The following ERBB4 variants were observed in gnomAD, a reference collection of about 807,000 sequenced individuals.
ERBB4 encodes receptor tyrosine-protein kinase erbB-4.
A neutral mutation model predicts 158.0 loss-of-function variants in ERBB4; 42 were observed. The observed-to-expected ratio is 0.27, with a 90% CI of 0.21 to 0.34. The LOEUF (loss-of-function observed/expected upper bound fraction) is 0.34, where lower values mean the gene tolerates loss of function less well. ERBB4 is among the 10% of genes least tolerant of loss of function. ERBB4 has a pLI of 1.00. For synonymous variants in ERBB4, 583 were observed against 558.7 expected (o/e 1.04, Z -0.61); for missense variants, 1,333 against 1,624.1 (o/e 0.82, Z 3.08).
intron 1 of ERBB4, among the ~76,000 whole-genome samples, chr2:212,301,856 A>C (rs1228622720): frequency 6.6e-6 from 1 of 151,360 alleles, no homozygotes; most frequent in Non-Finnish European, 1.5e-5. Flanking sequence ...AAATAACATC[A>C]CATCTTATTT....
chr2:211,960,922 A>C (rs892980589), intron 2 of ERBB4, among the ~76,000 whole-genome samples: 1 of 152,108 alleles, frequency 6.6e-6, no homozygotes, highest in African/African-American at 2.4e-5. Flanking sequence ...AGTATGAACC[A>C]ATTTTGATTC....
chr2:211,739,163 A>G (rs2074706688), intron 5 of ERBB4, among the ~76,000 whole-genome samples: 1 of 152,002 alleles, frequency 6.6e-6, no homozygotes. Context: ...TGTACTACCC[A>G]TCTTATGCCT....
chr2:212,382,095 A>C (rs115889548), intron 1 of ERBB4, among the ~76,000 whole-genome samples: 92 of 150,926 alleles, frequency 6.1e-4, no homozygotes, highest in African/African-American at 2.2e-3. Flanking sequence ...CTATAAATAT[A>C]TATTATTATA....
chr2:211,832,340 G>A (rs924046212), intron 3 of ERBB4, among the ~76,000 whole-genome samples: 6 of 151,898 alleles, frequency 4.0e-5, no homozygotes, highest in African/African-American at 9.7e-5. Flanking sequence ...AATAAGATAC[G>A]TTTAGAGCAT....
rs1357131530 is a variant in ERBB4, at chr2:212,290,963, T to C, written c.83-166060A>G. 2.0e-5 allele frequency among the ~76,000 whole-genome samples: 3 copies of C among 152,090 alleles called. No individual in the cohort carries two copies. The East Asian group carries it at 5.8e-4, about 29-fold the overall frequency. On this transcript the variant is annotated intron_variant, in intron 1 of 27. Transcript: ENST00000342788. ...TGTTTTAGTGTGTAAAAAATATTAA[T>C]TTAGTTAAAAGTTACACAAGACCCC...
chr2:212,178,786 A>T (rs2081760433), intron 1 of ERBB4, among the ~76,000 whole-genome samples: 1 of 151,612 alleles, frequency 6.6e-6, no homozygotes, highest in Admixed American at 6.6e-5. Flanking sequence ...TCGCTTTATG[A>T]TGGAAGACTC....
At chr2:212,474,100 C>T (rs561758225) in intron 1 of ERBB4, among the ~76,000 whole-genome samples, 1 of 152,044 alleles carries the variant, frequency 6.6e-6, no homozygotes, top group African/African-American at 2.4e-5. Context: ...TTGTAGATGA[C>T]ACTATTTCCA....
At chr2:212,343,802 T>G (rs1462191786) in intron 1 of ERBB4, among the ~76,000 whole-genome samples, 1 of 152,142 alleles carries the variant, frequency 6.6e-6, no homozygotes, top group Non-Finnish European at 1.5e-5. Flanking sequence ...TAAATTTAAT[T>G]TTATGTGTTA....
At chr2:212,317,308 T>G (rs191879020) in intron 1 of ERBB4, among the ~76,000 whole-genome samples, 7 of 151,640 alleles carry the variant, frequency 4.6e-5, no homozygotes, top group Admixed American at 4.0e-4. Context: ...GTTTAAAAAC[T>G]TTTACCCCAA....
intron 20 of ERBB4, among the ~76,000 whole-genome samples, chr2:211,475,090 TC>T (rs1319572205): frequency 1.3e-5 from 2 of 152,080 alleles, no homozygotes; most frequent in Non-Finnish European, 2.9e-5. Flanking sequence ...AAGGATGTTT[TC>T]CACAGGCTCT....
chr2:211,942,334 A>T (rs1011503027), intron 3 of ERBB4, among the ~76,000 whole-genome samples: 6 of 134,812 alleles, frequency 4.5e-5, no homozygotes, highest in Admixed American at 3.5e-4. Context: ...GAAGCATTTT[A>T]TTTATTTATT....
intron 1 of ERBB4, among the ~76,000 whole-genome samples, chr2:212,538,093 A>G (rs1235802763): frequency 6.6e-6 from 1 of 152,132 alleles, no homozygotes; most frequent in Non-Finnish European, 1.5e-5. Context: ...CGGGGACCCG[A>G]CAGGGACAGA....
intron 20 of ERBB4, among the ~76,000 whole-genome samples, chr2:211,522,002 A>G (rs1238906318): frequency 6.6e-6 from 1 of 152,136 alleles, no homozygotes; most frequent in Non-Finnish European, 1.5e-5. Context: ...CAAGAAGAAC[A>G]TTGTTTTTAT....
At chr2:212,057,137 C>T (rs12474510) in intron 2 of ERBB4, among the ~76,000 whole-genome samples, 95,609 of 152,006 alleles carry the variant, frequency 0.63, 33,722 homozygotes, top group East Asian at 0.92. Flanking sequence ...ATCCTAGTCT[C>T]TGATAAAACA....
chr2:211,876,670 G>A (rs1012150228), intron 3 of ERBB4, among the ~76,000 whole-genome samples: 2 of 152,060 alleles, frequency 1.3e-5, no homozygotes, highest in Non-Finnish European at 2.9e-5. Flanking sequence ...AATAATTTCT[G>A]GCTATTGAGG....
intron 1 of ERBB4, among the ~76,000 whole-genome samples, chr2:212,308,843 A>C (rs2086911307): frequency 6.6e-6 from 1 of 150,990 alleles, no homozygotes; most frequent in South Asian, 2.1e-4. Context: ...GTCAAAGTAA[A>C]TTAAAATTTG....
chr2:212,472,241 GA>G, intron 1 of ERBB4, among the ~76,000 whole-genome samples: 1 of 135,670 alleles, frequency 7.4e-6, no homozygotes, highest in African/African-American at 2.7e-5. Flanking sequence ...AGAGACCCAG[GA>G]GAGAGAGGAC....
intron 3 of ERBB4, among the ~76,000 whole-genome samples, chr2:211,846,133 T>C (rs1285181726): frequency 1.3e-5 from 2 of 151,712 alleles, no homozygotes; most frequent in Admixed American, 6.6e-5. Flanking sequence ...CATTTCCCTC[T>C]AGCAATTCTA....
intron 7 of ERBB4, among the ~76,000 whole-genome samples, chr2:211,715,479 G>A (rs185541193): frequency 3.3e-5 from 5 of 152,278 alleles, no homozygotes; most frequent in Admixed American, 1.3e-4. Flanking sequence ...TTTCTTCAAG[G>A]TCTTGTGATA....
Sources: gnomAD v4.1 joint callset for allele counts (sites outside exome capture counted in the v4.1 genomes callset) on GRCh38, gnomAD v4.1.1 for gene constraint, MANE v1.5 for transcripts, NCBI Gene and HGNC (gene_info 2026-07-23, HGNC 2026-07-21) for gene names.